The following TDRD9 variants were observed in gnomAD, a reference collection of about 807,000 sequenced individuals.
TDRD9 encodes ATP-dependent RNA helicase TDRD9.
TDRD9 carries 124 observed loss-of-function variants against 172.6 expected under a neutral mutation model. The observed-to-expected ratio is 0.72, with a 90% confidence interval of 0.62 to 0.83. TDRD9 has a LOEUF of 0.83. Among genes scored for constraint, TDRD9 ranks in the 40% least tolerant of loss-of-function variants. The pLI, the probability that TDRD9 is intolerant of heterozygous loss-of-function variation, is 0.00. For synonymous variants in TDRD9, 619 were observed against 617.1 expected (o/e 1.00, Z -0.05); for missense variants, 1,479 against 1,714.1 (o/e 0.86, Z 2.42).
intron 15 of TDRD9, among the ~76,000 whole-genome samples, chr14:104,005,884 C>T (rs12590683): frequency 1.3e-5 from 2 of 152,210 alleles, no homozygotes; most frequent in Non-Finnish European, 2.9e-5. Context: ...GCAATCATGG[C>T]TTACTGCAGC....
intron 1 of TDRD9, among the ~76,000 whole-genome samples, chr14:103,952,096 A>G (rs2031907117): frequency 6.8e-6 from 1 of 147,888 alleles, no homozygotes; most frequent in South Asian, 2.1e-4. Context: ...TAAAAAAAGT[A>G]GTTAAGATGG....
At chr14:103,939,103 G>A (rs2031005239) in intron 1 of TDRD9, among the ~76,000 whole-genome samples, 2 of 152,050 alleles carry the variant, frequency 1.3e-5, no homozygotes, top group African/African-American at 4.8e-5. Context: ...GCTTTTTGCC[G>A]GGAGTTATTT....
rs536842388 is a variant in TDRD9 at position 103,938,101 on chromosome 14, C to T, written c.215+9377C>T. Among the ~76,000 whole-genome samples the T allele has an allele frequency of 2.0e-5, 3 of 152,066 alleles. No homozygotes were observed. The East Asian group carries it at 5.8e-4, about 29-fold the overall frequency. On this transcript the variant is annotated intron_variant, in intron 1 of 35. Transcript: ENST00000409874. Reference sequence around the variant, plus strand: ...TGTCATATGGGGATAGTATCACCTACTTTATAAGGTTACGATGAAATGAGA... The same window carrying T: ...TGTCATATGGGGATAGTATCACCTATTTTATAAGGTTACGATGAAATGAGA...
chr14:103,957,817 G>A (rs559459057), intron 2 of TDRD9, among the ~76,000 whole-genome samples: 39 of 152,306 alleles, frequency 2.6e-4, no homozygotes, highest in Admixed American at 8.5e-4. Context: ...GGCCTGTAGC[G>A]TGCCGGATGG....
chr14:103,962,950 G>A, intron 2 of TDRD9, 129 bp from the exon 3 acceptor site: 2 of 543,298 alleles, frequency 3.7e-6, no homozygotes, highest in South Asian at 5.8e-5. Context: ...TGTAGAAAAT[G>A]TATTTTTGTA....
chr14:103,994,284 G>A, intron 9 of TDRD9, 48 bp from the exon 10 acceptor site: 1 of 1,549,148 alleles, frequency 6.5e-7, no homozygotes. Context: ...GTTTCTAGCA[G>A]TAAATACAAA....
intron 22 of TDRD9, among the ~76,000 whole-genome samples, chr14:104,017,060 TTTGA>T (rs1216476382): frequency 6.6e-6 from 1 of 152,108 alleles, no homozygotes; most frequent in Admixed American, 6.5e-5. Context: ...CTGAGGATCA[TTTGA>T]TTGGCACCTC....
At chr14:103,999,643 A>ACATTTAATCTTTTAATCTGCCT (rs1566771643) in intron 13 of TDRD9, among the ~76,000 whole-genome samples, 2 of 130,470 alleles carry the variant, frequency 1.5e-5, no homozygotes, top group African/African-American at 3.0e-5. Context: ...TGTTTTTTAG[A>ACATTTAATCTTTTAATCTGCCT]AAACCTTTTG....
chr14:104,022,053 T>C (rs2034971236), intron 23 of TDRD9, 104 bp from the exon 24 acceptor site: 1 of 843,456 alleles, frequency 1.2e-6, no homozygotes, highest in East Asian at 2.7e-5. Context: ...TTACTGGCAT[T>C]TTGAGGAGAG....
At chr14:103,998,603 G>A (rs774943417) in intron 12 of TDRD9, 21 bp from the exon 13 acceptor site, 1 of 1,305,044 alleles carries the variant, frequency 7.7e-7, no homozygotes. Flanking sequence ...GGTGTTTACA[G>A]TCCTTTTTTT....
rs1406435016 is a variant in TDRD9, at chr14:103,928,678, C to T, written c.169C>T (p.Pro57Ser). The T allele has an allele frequency of 7.4e-6, 9 of 1,221,126 alleles. No individual in the cohort carries two copies. The highest frequency in any genetic ancestry group is 9.3e-6 in the Non-Finnish European group (9 of 971,438). 75.6% of individuals were successfully genotyped at this position (1,221,126 alleles called of 1,614,324 possible). ...CGGCGCTGGTCCCGCGGCCCAGGCT[C>T]CGGCTCTGGCCCAAGCTCCGGCCCG... Reference protein sequence around the residue: ...APGAGPAAQAPALAQAPARPA... With the variant: ...APGAGPAAQASALAQAPARPA... Residue 57 changes from proline to serine, a missense_variant, in exon 1 of 36, where the codon CCG becomes TCG. Transcript: ENST00000409874.
chr14:104,025,958 G>A (rs1445929772), intron 26 of TDRD9, 89 bp from the exon 27 acceptor site: 5 of 1,017,970 alleles, frequency 4.9e-6, no homozygotes, highest in Non-Finnish European at 6.0e-6. Flanking sequence ...TATAATTATA[G>A]GATTAGAGCA....
intron 5 of TDRD9, 74 bp from the exon 6 acceptor site, chr14:103,970,467 G>A: frequency 9.5e-7 from 1 of 1,057,550 alleles, no homozygotes; most frequent in South Asian, 1.4e-5. Flanking sequence ...GTCCCCCAGT[G>A]GTGCCTTTCT....
chr14:104,020,757 A>G (rs1413836107), intron 23 of TDRD9, among the ~76,000 whole-genome samples: 1 of 152,138 alleles, frequency 6.6e-6, no homozygotes, highest in Non-Finnish European at 1.5e-5. Context: ...TTTTTATAGT[A>G]GAGGAAGGGG....
At chr14:103,984,838 A>G (rs1003532228) in intron 7 of TDRD9, among the ~76,000 whole-genome samples, 2 of 152,196 alleles carry the variant, frequency 1.3e-5, no homozygotes, top group African/African-American at 4.8e-5. Context: ...CCATGAAAGC[A>G]GCTGGGAGGG....
intron 34 of TDRD9, among the ~76,000 whole-genome samples, chr14:104,047,509 C>A (rs1330143478): frequency 1.3e-5 from 2 of 152,120 alleles, no homozygotes; most frequent in Non-Finnish European, 2.9e-5. Flanking sequence ...CATTTGTGAG[C>A]TTTTTCTATC....
intron 3 of TDRD9, among the ~76,000 whole-genome samples, chr14:103,964,831 A>G (rs1279824232): frequency 6.6e-6 from 1 of 152,112 alleles, no homozygotes; most frequent in East Asian, 1.9e-4. Context: ...GCCACTAATT[A>G]CTGTTAAATA....
chr14:103,954,753 C>T lies in TDRD9; in HGVS notation c.216-911C>T, dbSNP rs138684874. On this transcript the variant is annotated intron_variant, in intron 1 of 35. Transcript: ENST00000409874. ...AAGTGATTCTGCTACCTTAGCCTCTCGAGTAGCTGGGATTACAGGGACCTG... is the reference window on the plus strand; with the variant it reads ...AAGTGATTCTGCTACCTTAGCCTCTTGAGTAGCTGGGATTACAGGGACCTG... Among the ~76,000 whole-genome samples, 128 of 150,874 alleles carry T rather than the reference C, an allele frequency of 8.5e-4. 1 individual carries two copies. In the East Asian group the frequency reaches 0.023, roughly 27 times the overall value.
intron 23 of TDRD9, among the ~76,000 whole-genome samples, chr14:104,021,844 A>G (rs2034966127): frequency 6.6e-6 from 1 of 152,160 alleles, no homozygotes; most frequent in African/African-American, 2.4e-5. Context: ...TTCTTTTGCA[A>G]TTATGAAAGT....
Sources: allele counts gnomAD v4.1 joint callset (sites outside exome capture counted in the v4.1 genomes callset), GRCh38; gene constraint gnomAD v4.1.1; transcripts MANE v1.5; gene names NCBI Gene and HGNC (gene_info 2026-07-23, HGNC 2026-07-21).